Variants in ZC3H12D observed in about 807,000 individuals in gnomAD.
ZC3H12D encodes the protein probable ribonuclease ZC3H12D.
Under a neutral mutation model 24.2 loss-of-function variants are expected in ZC3H12D, and 11 were observed. The observed-to-expected ratio is 0.46, with a 90% CI of 0.29 to 0.75. The LOEUF (loss-of-function observed/expected upper bound fraction) is 0.75, where lower values mean the gene tolerates loss of function less well. Among genes scored for constraint, ZC3H12D ranks in the 30% least tolerant of loss-of-function variants. The pLI, the probability that ZC3H12D is intolerant of heterozygous loss-of-function variation, is 0.11. For missense variants in ZC3H12D, 740 were observed against 767.7 expected (o/e 0.96, Z 0.43); for synonymous variants, 333 against 341.8 (o/e 0.97, Z 0.28).
intron 2 of ZC3H12D, among the ~76,000 whole-genome samples, chr6:149,473,175 C>T (rs1463109520): frequency 6.6e-6 from 1 of 151,040 alleles, no homozygotes; most frequent in Non-Finnish European, 1.5e-5. Context: ...GCAAAAAGTG[C>T]AGGGACAGCC....
chr6:149,451,609 G>A, intron 5 of ZC3H12D, 130 bp from the exon 6 acceptor site: 1 of 809,286 alleles, frequency 1.2e-6, no homozygotes, highest in Non-Finnish European at 1.8e-6. Context: ...AGGCCCCCAG[G>A]CCGCCGCGGA....
At position 149,456,364 on chromosome 6, in the gene ZC3H12D, G is replaced by A. The variant is rs1023435936; in HGVS notation, c.680+302C>T. Among the ~76,000 whole-genome samples, 3 of 152,142 alleles carry A rather than the reference G, an allele frequency of 2.0e-5. No individual in the cohort carries two copies. Among genetic ancestry groups the A allele is most frequent in the African/African-American group, 7.2e-5 (3 of 41,416 alleles). ...ATGATGACTATTTCAATATTCTGAA[G>A]TATGCAATTCTGTTTTTTTAAGTTA... On this transcript the variant is annotated intron_variant, in intron 4 of 5. Coordinates refer to ENST00000409806, the MANE Select transcript of ZC3H12D (RefSeq NM_207360.3). The surrounding 1 kb of genome is among the most constrained non-coding windows in gnomAD (Gnocchi z 4.3).
rs115792245 is a variant in ZC3H12D, at chr6:149,474,565, C to T, written c.-22G>A. On this transcript the variant is annotated 5_prime_UTR_variant, in exon 2 of 6. Transcript: ENST00000409806. ...CCATGCTGTGCCCAGCGGCCACTGG[C>T]GCAGGTCCTGCCCCAGGCTTCCTCC... is the stretch of plus-strand genomic sequence containing the variant. 0.015 allele frequency: 22,057 copies of T among 1,457,898 alleles called. 710 individuals carry two copies. The highest frequency in any genetic ancestry group is 0.098 in the South Asian group (6,647 of 67,772). The allele number at this position is 1,457,898 out of a possible 1,614,324, so 90.3% of individuals were successfully genotyped here. A position where few individuals can be genotyped will look rare whatever the true frequency, so the allele number is the denominator to read the frequency against.
At chr6:149,470,235 C>G (rs1776223501) in intron 2 of ZC3H12D, among the ~76,000 whole-genome samples, 1 of 152,142 alleles carries the variant, frequency 6.6e-6, no homozygotes, top group Non-Finnish European at 1.5e-5. Context: ...TGGCACACAC[C>G]TGTAGTCCCA....
At chr6:149,471,560 C>A (rs539211900) in intron 2 of ZC3H12D, among the ~76,000 whole-genome samples, 16 of 152,250 alleles carry the variant, frequency 1.1e-4, no homozygotes, top group African/African-American at 3.6e-4. Flanking sequence ...GATGACAGAC[C>A]CTTTAAGTGT....
chr6:149,450,847 CGTCGTCCTCG>C lies in ZC3H12D; in HGVS notation c.1410_1419del (p.Glu471ArgfsTer24). 1 of 1,544,652 alleles carries C rather than the reference CGTCGTCCTCG, an allele frequency of 6.5e-7. No homozygotes were observed. The highest frequency in any genetic ancestry group is 8.7e-7 in the Non-Finnish European group (1 of 1,146,686). ...CGAGCCCGGGCGCGCGCGTCCCCCT[CGTCGTCCTCG>C]GTCGCGTACACTGAAAGTCCCCCAG... On this transcript the variant is annotated frameshift_variant, in exon 6 of 6. Coordinates refer to ENST00000409806, the MANE Select transcript of ZC3H12D (RefSeq NM_207360.3). LOFTEE classifies it low-confidence loss of function (END_TRUNC).
intron 4 of ZC3H12D, among the ~76,000 whole-genome samples, chr6:149,455,512 G>C (rs939041856): frequency 1.3e-5 from 2 of 152,178 alleles, no homozygotes; most frequent in African/African-American, 4.8e-5. Context: ...TCTGTCACAC[G>C]CTGCTCGGGT....
In ZC3H12D at chr6:149,474,595, A is replaced by C; in HGVS notation, c.-52T>G. The C allele has an allele frequency of 1.4e-6, 2 of 1,403,002 alleles. No homozygotes were observed. Among genetic ancestry groups the C allele is most frequent in the Non-Finnish European group, 1.9e-6 (2 of 1,063,516 alleles). 86.9% of individuals were successfully genotyped at this position (1,403,002 alleles called of 1,614,324 possible). ...GTCCTGCCCCAGGCTTCCTCCTCTC[A>C]GAGCCCTGCAGACATGAGCTAAAGA... is the stretch of plus-strand genomic sequence containing the variant. On this transcript the variant is annotated 5_prime_UTR_variant, in exon 2 of 6. It removes the in-frame stop codon of an upstream open reading frame in the 5' UTR. Transcript: ENST00000409806.
chr6:149,464,991 C>T (rs1415208210), intron 2 of ZC3H12D, among the ~76,000 whole-genome samples: 1 of 152,234 alleles, frequency 6.6e-6, no homozygotes, highest in African/African-American at 2.4e-5. Context: ...TTTGAATTCA[C>T]ACTGCTGTGC....
At chr6:149,482,278 C>A (rs754996059) in intron 1 of ZC3H12D, among the ~76,000 whole-genome samples, 1 of 152,260 alleles carries the variant, frequency 6.6e-6, no homozygotes, top group Non-Finnish European at 1.5e-5. Flanking sequence ...GGAGCCCACT[C>A]GGCCCTGGAG....
At chr6:149,451,511 G>T in intron 5 of ZC3H12D, 32 bp from the exon 6 acceptor site, 1 of 1,527,558 alleles carries the variant, frequency 6.5e-7, no homozygotes, top group South Asian at 1.2e-5. Context: ...AGGGCGCGAC[G>T]TGAGGCCCGG....
chr6:149,460,112 C>T (rs759057638), intron 3 of ZC3H12D, among the ~76,000 whole-genome samples: 13 of 152,200 alleles, frequency 8.5e-5, no homozygotes, highest in African/African-American at 2.2e-4. Context: ...AAGTCTAGCA[C>T]GTACAATTAT....
chr6:149,477,169 A>G (rs916743510), intron 1 of ZC3H12D, among the ~76,000 whole-genome samples: 3 of 152,220 alleles, frequency 2.0e-5, no homozygotes, highest in Non-Finnish European at 4.4e-5. Flanking sequence ...CACATCACTC[A>G]GCCAGGTTCC....
intron 2 of ZC3H12D, among the ~76,000 whole-genome samples, chr6:149,462,350 G>C (rs1264234714): frequency 6.6e-6 from 1 of 151,792 alleles, no homozygotes; most frequent in Non-Finnish European, 1.5e-5. Flanking sequence ...CTCCGGCCTG[G>C]GCAACAGAGG....
At chr6:149,464,618 C>T (rs137990915) in intron 2 of ZC3H12D, among the ~76,000 whole-genome samples, 90 of 152,288 alleles carry the variant, frequency 5.9e-4, no homozygotes, top group African/African-American at 2.1e-3. Context: ...TTCTTTAAAC[C>T]GTGGGCTCCT....
At chr6:149,453,027 G>A (rs1310121254) in intron 4 of ZC3H12D, among the ~76,000 whole-genome samples, 1 of 151,632 alleles carries the variant, frequency 6.6e-6, no homozygotes, top group African/African-American at 2.4e-5. Context: ...GTTCACATGG[G>A]TAATCCCAAC....
Position 149,451,327 on chromosome 6 carries a change from C to T in ZC3H12D, c.940G>A (p.Gly314Ser). The stretch of plus-strand genomic sequence containing the variant: ...GGGGCCGCCCGGGCTCCTGCGGAGC[C>T]GCCCGGGGCTCTCGGTGGCCGCTGC... Reference protein sequence around the residue: ...EEQRPPRAPGGSAGARAAPRE... With the variant: ...EEQRPPRAPGSSAGARAAPRE... Residue 314 changes from glycine to serine, a missense_variant, in exon 6 of 6, where the codon GGC (glycine) becomes AGC (serine). Coordinates refer to ENST00000409806, the MANE Select transcript of ZC3H12D (RefSeq NM_207360.3). 4 of 1,374,594 alleles carry T rather than the reference C, an allele frequency of 2.9e-6. No individual in the cohort carries two copies. The highest frequency in any genetic ancestry group is 1.5e-5 in the African/African-American group (1 of 65,136). The allele number at this position is 1,374,594 out of a possible 1,614,324, so 85.1% of individuals were successfully genotyped here. A position where few individuals can be genotyped will look rare whatever the true frequency, so the allele number is the denominator to read the frequency against.
chr6:149,451,356 TCGGCGCCC>T lies in ZC3H12D; in HGVS notation c.903_910del (p.Glu304AlafsTer87). 2 of 1,443,648 alleles carry T rather than the reference TCGGCGCCC, an allele frequency of 1.4e-6. No individual in the cohort carries two copies. The highest frequency in any genetic ancestry group is 2.7e-5 in the South Asian group (2 of 74,522). 89.4% of individuals were successfully genotyped at this position (1,443,648 alleles called of 1,614,324 possible). A position where few individuals can be genotyped will look rare whatever the true frequency, so the allele number is the denominator to read the frequency against. On this transcript the variant is annotated frameshift_variant, in exon 6 of 6. Coordinates refer to ENST00000409806, the MANE Select transcript of ZC3H12D (RefSeq NM_207360.3). LOFTEE classifies it low-confidence loss of function (END_TRUNC). ...CGGGGCTCTCGGTGGCCGCTGCTCC[TCGGCGCCC>T]GCGCCAGGCCGGGCCCCTGTCTTGG...
chr6:149,476,749 A>G (rs1024874807), intron 1 of ZC3H12D, among the ~76,000 whole-genome samples: 2 of 152,150 alleles, frequency 1.3e-5, no homozygotes, highest in Non-Finnish European at 2.9e-5. Flanking sequence ...TTGAGGCTGC[A>G]GTGAGCCGAG....
Sources: allele counts gnomAD v4.1 joint callset (sites outside exome capture counted in the v4.1 genomes callset), GRCh38; gene constraint gnomAD v4.1.1; non-coding constraint Gnocchi (gnomAD v3.1); transcripts MANE v1.5; gene names NCBI Gene and HGNC (gene_info 2026-07-23, HGNC 2026-07-21).